SUGCT: variants seen among roughly 807,000 people sequenced by gnomAD.
The protein encoded by SUGCT is succinyl-CoA:glutarate-CoA transferase.
In SUGCT, 41 loss-of-function variants were observed where a neutral mutation model predicts 55.0. The observed-to-expected ratio is 0.74, with a 90% CI of 0.58 to 0.97. SUGCT has a LOEUF of 0.97. SUGCT is among the 50% of genes least tolerant of loss of function. The pLI is 0.00. For synonymous variants in SUGCT, 187 were observed against 200.4 expected, an observed-to-expected ratio of 0.93 and a Z score of 0.56; for missense variants, 568 against 547.8, an observed-to-expected ratio of 1.04 and a Z score of -0.37.
chr7:40,291,666 TAA>T (rs145941021), intron 8 of SUGCT, among the ~76,000 whole-genome samples: 6,206 of 150,464 alleles, frequency 0.041, 420 homozygotes, highest in African/African-American at 0.14. Flanking sequence ...AATAATAAAA[TAA>T]AAAAATATAT....
chr7:40,897,359 C>A, the SUGCT span, among the ~76,000 whole-genome samples: 1 of 151,892 alleles, frequency 6.6e-6, no homozygotes, highest in African/African-American at 2.4e-5. Context: ...ACTGATATTT[C>A]ATTAAGAAAT....
At chr7:40,472,145 T>G (rs1246204484) in intron 11 of SUGCT, among the ~76,000 whole-genome samples, 1 of 152,132 alleles carries the variant, frequency 6.6e-6, no homozygotes. Context: ...AAAGTGTCAT[T>G]CTTAGTGACT....
intron 9 of SUGCT, 100 bp downstream of exon 9, chr7:40,316,955 GTT>G (rs56989808): frequency 6.4e-3 from 1,198 of 188,334 alleles, no homozygotes; most frequent in South Asian, 0.012. Flanking sequence ...TCCTTCAGCT[GTT>G]TTTTTTTTTT....
intron 12 of SUGCT, among the ~76,000 whole-genome samples, chr7:40,647,487 T>C (rs553854110): frequency 6.6e-6 from 1 of 152,308 alleles, no homozygotes; most frequent in South Asian, 2.1e-4. Flanking sequence ...AAAACCTTTC[T>C]AAAATGATGT....
At chr7:40,202,434 ATG>A (rs1304139263) in intron 6 of SUGCT, among the ~76,000 whole-genome samples, 3 of 152,044 alleles carry the variant, frequency 2.0e-5, no homozygotes, top group African/African-American at 7.3e-5. Context: ...CATATGTTGC[ATG>A]TGTGTGTGTT....
intron 1 of SUGCT, among the ~76,000 whole-genome samples, chr7:40,146,650 G>GC (rs1788264113): frequency 6.6e-6 from 1 of 152,200 alleles, no homozygotes; most frequent in African/African-American, 2.4e-5. Flanking sequence ...GTTTAAGAAC[G>GC]CCTTAAGCGG....
chr7:40,798,912 C>T (rs1790679694), intron 13 of SUGCT, among the ~76,000 whole-genome samples: 1 of 152,172 alleles, frequency 6.6e-6, no homozygotes, highest in Admixed American at 6.5e-5. Context: ...GTTAGGTTCA[C>T]AAATGCATTA....
At chr7:40,145,341 T>A (rs1018529390) in intron 1 of SUGCT, among the ~76,000 whole-genome samples, 5 of 152,206 alleles carry the variant, frequency 3.3e-5, no homozygotes, top group Admixed American at 6.5e-5. Context: ...ATTTCTTGCA[T>A]AAATTCCCTT....
chr7:40,264,853 A>G (rs1043188666), intron 7 of SUGCT, among the ~76,000 whole-genome samples: 3 of 152,100 alleles, frequency 2.0e-5, no homozygotes, highest in Non-Finnish European at 4.4e-5. Context: ...GCCCTGCACT[A>G]TTGCGAAGTC....
intron 12 of SUGCT, among the ~76,000 whole-genome samples, chr7:40,573,265 G>T (rs2151693204): frequency 1.3e-5 from 2 of 152,324 alleles, no homozygotes; most frequent in Middle Eastern, 6.8e-3. Context: ...AATCCGACAG[G>T]ATTTTCCAGA....
Position 40,663,770 on chromosome 7 carries a change from G to A in SUGCT, c.1090-85664G>A, listed in dbSNP as rs1352782992. On this transcript the variant is annotated intron_variant, in intron 12 of 13. Transcript: ENST00000335693. ...TGTGTCTGGTAGAACCTTGTTCTTCGAAGGGTAATCCATGGCCCAGCAGTG... is the reference window on the plus strand; with the variant it reads ...TGTGTCTGGTAGAACCTTGTTCTTCAAAGGGTAATCCATGGCCCAGCAGTG... 5.9e-5 allele frequency among the ~76,000 whole-genome samples: 9 copies of A among 152,112 alleles called. No homozygotes were observed. The South Asian group carries it at 6.2e-4, about 11-fold the overall frequency.
At chr7:40,452,034 G>A (rs1789219802) in intron 10 of SUGCT, among the ~76,000 whole-genome samples, 1 of 152,152 alleles carries the variant, frequency 6.6e-6, no homozygotes, top group Admixed American at 6.5e-5. Context: ...ACAAATGAAT[G>A]GAATTGACTT....
intron 8 of SUGCT, among the ~76,000 whole-genome samples, chr7:40,281,229 G>A (rs1792932181): frequency 7.6e-6 from 1 of 132,356 alleles, no homozygotes; most frequent in Non-Finnish European, 1.6e-5. Context: ...GAATTACCTT[G>A]AGAAAAGCCC....
chr7:40,896,538 T>G, the SUGCT span, among the ~76,000 whole-genome samples: 1 of 152,130 alleles, frequency 6.6e-6, no homozygotes, highest in African/African-American at 2.4e-5. Context: ...GTTCTCATGA[T>G]AGTGAGTGAG....
intron 8 of SUGCT, among the ~76,000 whole-genome samples, chr7:40,305,145 T>A (rs1794782738): frequency 6.6e-6 from 1 of 152,178 alleles, no homozygotes; most frequent in Non-Finnish European, 1.5e-5. Flanking sequence ...CCATCTGGTA[T>A]GTGGGGAAGG....
chr7:40,503,329 T>C (rs940394700), intron 12 of SUGCT, among the ~76,000 whole-genome samples: 9 of 152,148 alleles, frequency 5.9e-5, no homozygotes, highest in African/African-American at 1.9e-4. Flanking sequence ...TTTTCTGAAA[T>C]TTTTTAGCAA....
chr7:40,749,622 G>A, intron 13 of SUGCT, 125 bp downstream of exon 13: 1 of 737,394 alleles, frequency 1.4e-6, no homozygotes. Context: ...TTATAACATT[G>A]GGTAAAAGGG....
At position 40,186,087 on chromosome 7, in the gene SUGCT, T is replaced by TCCTTCC. The variant is rs1329834661; in HGVS notation, c.227-2408_227-2407insCCTTCC. On this transcript the variant is annotated intron_variant, in intron 3 of 13. Coordinates refer to ENST00000335693, the MANE Select transcript of SUGCT (RefSeq NM_001193313.2). ...TTGTTTTCTTTCTTTCTTTCTCTCT[T>TCCTTCC]TTTCTTCCTTCCTTCCTTCCTTCCT... is the stretch of plus-strand genomic sequence containing the variant. Among the ~76,000 whole-genome samples the TCCTTCC allele has an allele frequency of 5.2e-5, 7 of 133,872 alleles. No individual in the cohort carries two copies. The South Asian group carries it at 1.6e-3, about 30-fold the overall frequency. The allele number at this position is 133,872 out of a possible 152,430, so 87.8% of individuals were successfully genotyped here.
At chr7:40,295,299 G>A (rs1794056194) in intron 8 of SUGCT, among the ~76,000 whole-genome samples, 1 of 152,210 alleles carries the variant, frequency 6.6e-6, no homozygotes, top group Non-Finnish European at 1.5e-5. Context: ...TCACAGGGTA[G>A]GTGTGGTGGC....
Sources: allele counts gnomAD v4.1 joint callset (sites outside exome capture counted in the v4.1 genomes callset), GRCh38; gene constraint gnomAD v4.1.1; transcripts MANE v1.5; gene names NCBI Gene and HGNC (gene_info 2026-07-23, HGNC 2026-07-21).